The following XPOT variants were observed in gnomAD, a reference collection of about 807,000 sequenced individuals.
The protein encoded by XPOT is exportin for tRNA.
Under a neutral mutation model 128.2 loss-of-function variants are expected in XPOT, and 34 were observed. The ratio of observed to expected loss-of-function variants is 0.27; its 90% confidence interval spans 0.20 to 0.35. The LOEUF (loss-of-function observed/expected upper bound fraction) is 0.35. Among genes scored for constraint, XPOT ranks in the 10% least tolerant of loss-of-function variants. The probability of loss-of-function intolerance (pLI) is 1.00; values close to 1 mark genes in which losing one functional copy is unlikely to be tolerated. For missense variants in XPOT, 838 were observed against 1,125.3 expected, an observed-to-expected ratio of 0.74 and a Z score of 3.65; for synonymous variants, 348 against 394.3, an observed-to-expected ratio of 0.88 and a Z score of 1.39.
At chr12:64,445,450 A>G (rs753254097) in intron 24 of XPOT, among the ~76,000 whole-genome samples, 1 of 152,194 alleles carries the variant, frequency 6.6e-6, no homozygotes, top group Non-Finnish European at 1.5e-5. Flanking sequence ...GAAGGATGAG[A>G]TATTTGCTTA....
In XPOT at chr12:64,404,738, G is replaced by C. The variant is rs1001420500; in HGVS notation, c.-141G>C. The C allele has an allele frequency of 6.6e-6, 1 of 152,356 alleles. No individual in the cohort carries two copies. Among genetic ancestry groups the C allele is most frequent in the South Asian group, 2.1e-4 (1 of 4,832 alleles). 9.4% of individuals were successfully genotyped at this position (152,356 alleles called of 1,614,324 possible). On this transcript the variant is annotated 5_prime_UTR_variant, in exon 1 of 25. Transcript: ENST00000332707. Reference sequence around the variant, plus strand: ...GCTCTCCCAGCTCTCTGCGTGCCGCGCCGCTCCGCTCCGCTGGCTGACCAT... The same window carrying C: ...GCTCTCCCAGCTCTCTGCGTGCCGCCCCGCTCCGCTCCGCTGGCTGACCAT...
In XPOT at chr12:64,433,522, A is replaced by C; in HGVS notation, c.2371A>C (p.Lys791Gln). The change falls in exon 19 of 25, where the codon AAG becomes CAG. Residue 791 changes from lysine to glutamine, a missense_variant. Transcript: ENST00000332707. ...AAATGACCAGTCTGCTGCTTTAGAG[A>C]AGCAGATGTTGCGGAGGAGTTACTT... is the stretch of plus-strand genomic sequence containing the variant. ...EENDQSAALE[K>Q]QMLRRSYFAF... is the part of the protein sequence containing the mutation. The C allele has an allele frequency of 6.2e-7, 1 of 1,613,196 alleles. No homozygotes were observed. The highest frequency in any genetic ancestry group is 8.5e-7 in the Non-Finnish European group (1 of 1,179,476).
At position 64,416,773 on chromosome 12, in the gene XPOT, T is replaced by C; in HGVS notation, c.200+19T>C. The C allele has an allele frequency of 6.2e-7, 1 of 1,603,528 alleles. No homozygotes were observed. Among genetic ancestry groups the C allele is most frequent in the South Asian group, 1.1e-5 (1 of 89,720 alleles). On this transcript the variant is annotated intron_variant, in intron 4 of 24. Transcript: ENST00000332707. The stretch of plus-strand genomic sequence containing the variant: ...AATACAAGTAAGGCTTTTCTTACTG[T>C]TTTGACTCAGATTTGCGGGGAGAGG...
intron 6 of XPOT, 93 bp from the exon 7 acceptor site, chr12:64,419,977 C>T: frequency 8.7e-7 from 1 of 1,151,080 alleles, no homozygotes; most frequent in Non-Finnish European, 1.2e-6. Flanking sequence ...AATGTGTTAA[C>T]AAGTCTGAAA....
chr12:64,436,226 G>T lies in XPOT; in HGVS notation c.2733+552G>T, dbSNP rs188355768. ...CCTGCCTTGCTTGGCCTCCCAAAGT[G>T]CTGGGATTACAGGCGTGAGCCACTG... is the stretch of plus-strand genomic sequence containing the variant. On this transcript the variant is annotated intron_variant, in intron 22 of 24. Coordinates refer to ENST00000332707, the MANE Select transcript of XPOT (RefSeq NM_007235.6). 3.2e-3 allele frequency among the ~76,000 whole-genome samples: 492 copies of T among 152,162 alleles called. 3 individuals are homozygous for T. The highest frequency in any genetic ancestry group is 0.011 in the African/African-American group (469 of 41,508).
intron 24 of XPOT, among the ~76,000 whole-genome samples, chr12:64,446,033 CAG>C (rs1249043437): frequency 6.6e-6 from 1 of 152,134 alleles, no homozygotes; most frequent in African/African-American, 2.4e-5. Context: ...TTAAACATCT[CAG>C]AGTTTTTGTG....
intron 3 of XPOT, among the ~76,000 whole-genome samples, chr12:64,415,680 A>G (rs1031995732): frequency 6.6e-6 from 1 of 152,174 alleles, no homozygotes; most frequent in Admixed American, 6.5e-5. Flanking sequence ...TACCCGGCCT[A>G]TATCTTAATT....
intron 2 of XPOT, among the ~76,000 whole-genome samples, chr12:64,411,197 T>C (rs1430176375): frequency 6.6e-6 from 1 of 152,226 alleles, no homozygotes; most frequent in Non-Finnish European, 1.5e-5. Flanking sequence ...AAAATCCATG[T>C]CTTCTGTGTG....
chr12:64,440,645 A>G (rs1043709679), intron 23 of XPOT, among the ~76,000 whole-genome samples: 10 of 152,062 alleles, frequency 6.6e-5, no homozygotes. Flanking sequence ...TTTTTTTGTA[A>G]TAGCCATTCT....
At chr12:64,423,741 A>T (rs1373865729) in intron 11 of XPOT, among the ~76,000 whole-genome samples, 1 of 152,210 alleles carries the variant, frequency 6.6e-6, no homozygotes, top group Admixed American at 6.5e-5. Flanking sequence ...GGTGTGAGCC[A>T]CTGCACCTGT....
chr12:64,429,106 G>C (rs1416567841), intron 16 of XPOT, among the ~76,000 whole-genome samples: 1 of 152,224 alleles, frequency 6.6e-6, no homozygotes, highest in African/African-American at 2.4e-5. Context: ...CACAGATGCA[G>C]ATGTACAGAA....
At chr12:64,435,754 G>A in intron 22 of XPOT, 80 bp downstream of exon 22, 1 of 1,407,864 alleles carries the variant, frequency 7.1e-7, no homozygotes, top group African/African-American at 1.5e-5. Flanking sequence ...TGTATCTTGT[G>A]TAAAATTTAA....
At position 64,434,431 on chromosome 12, in the gene XPOT, T is replaced by C. The variant is rs76612749; in HGVS notation, c.2453-76T>C. ...GTAAATGATTTTTGACTTGTTAATGTATATGAAAAGAGAACTTCAGGTTGC... is the reference window on the plus strand; with the variant it reads ...GTAAATGATTTTTGACTTGTTAATGCATATGAAAAGAGAACTTCAGGTTGC... On this transcript the variant is annotated intron_variant, in intron 19 of 24. Transcript: ENST00000332707. The C allele has an allele frequency of 2.2e-3, 2,031 of 940,296 alleles. 29 individuals carry two copies. The African/African-American group carries it at 0.03, about 14-fold the overall frequency. The allele number at this position is 940,296 out of a possible 1,614,324, so 58.2% of individuals were successfully genotyped here. A position where few individuals can be genotyped will look rare whatever the true frequency, so the allele number is the denominator to read the frequency against.
intron 1 of XPOT, among the ~76,000 whole-genome samples, chr12:64,405,905 C>T (rs1041350513): frequency 1.3e-4 from 20 of 152,034 alleles, no homozygotes; most frequent in African/African-American, 4.3e-4. Flanking sequence ...CGTGAGCCAC[C>T]GCGCCCGGCC....
In XPOT at chr12:64,414,968, C is replaced by G; in HGVS notation, c.122C>G (p.Ala41Gly). The G allele has an allele frequency of 6.2e-7, 1 of 1,612,898 alleles. No individual in the cohort carries two copies. Among genetic ancestry groups the G allele is most frequent in the African/African-American group, 1.3e-5 (1 of 75,004 alleles). ...SPDAWQVCAE[A>G]LAQRTYSDDH... ...GATGCCTGGCAGGTGTGTGCAGAAG[C>G]TCTAGCCCAGAGGACATACAGGTAA... Residue 41 changes from alanine (A) to glycine (G), a missense_variant, in exon 3 of 25, where the codon GCT (alanine) becomes GGT (glycine). By Grantham distance (60) the Ala-to-Gly change is moderately conservative. Coordinates refer to ENST00000332707, the MANE Select transcript of XPOT (RefSeq NM_007235.6).
intron 6 of XPOT, 142 bp downstream of exon 6, chr12:64,419,236 G>T: frequency 1.6e-5 from 10 of 625,476 alleles, no homozygotes; most frequent in Admixed American, 3.6e-5. Flanking sequence ...CTGATGTTTT[G>T]GATTTTATTT....
intron 22 of XPOT, among the ~76,000 whole-genome samples, chr12:64,436,296 C>G (rs553946424): frequency 2.0e-5 from 3 of 151,828 alleles, no homozygotes; most frequent in Non-Finnish European, 4.4e-5. Context: ...CACTCTGTCA[C>G]TCAGGTTGGA....
At chr12:64,411,150 A>G (rs966705338) in intron 2 of XPOT, among the ~76,000 whole-genome samples, 2 of 152,236 alleles carry the variant, frequency 1.3e-5, no homozygotes, top group African/African-American at 4.8e-5. Flanking sequence ...TAATTACAAG[A>G]TACCTATCAA....
Position 64,433,417 on chromosome 12 carries a change from C to A in XPOT, c.2266C>A (p.Gln756Lys). Residue 756 changes from glutamine to lysine, a missense_variant, in exon 19 of 25, where the codon CAG becomes AAG. Gln to Lys is a moderately conservative substitution (Grantham distance 53). Transcript: ENST00000332707. ...AGTAATGATTGTTTATCTTCAGATA[C>A]AGGTATCCCCGTTTTTACAACAGAT... ...INQITAKFKI[Q>K]VSPFLQQMFM... 6.5e-7 allele frequency: 1 copy of A among 1,529,514 alleles called. No individual in the cohort carries two copies. The highest frequency in any genetic ancestry group is 1.2e-5 in the South Asian group (1 of 80,792). 94.7% of individuals were successfully genotyped at this position (1,529,514 alleles called of 1,614,324 possible). A position where few individuals can be genotyped will look rare whatever the true frequency, so the allele number is the denominator to read the frequency against.
Sources: allele counts gnomAD v4.1 joint callset (sites outside exome capture counted in the v4.1 genomes callset), GRCh38; gene constraint gnomAD v4.1.1; transcripts MANE v1.5; gene names NCBI Gene and HGNC (gene_info 2026-07-23, HGNC 2026-07-21).